The following MCTP1 variants were observed in gnomAD, a reference collection of about 807,000 sequenced individuals.
MCTP1 encodes multiple C2 and transmembrane domain-containing protein 1.
In MCTP1, 69 loss-of-function variants were observed where a neutral mutation model predicts 120.6. The observed-to-expected ratio is 0.57, with a 90% CI of 0.47 to 0.70. The LOEUF is 0.70. Ranked by LOEUF, MCTP1 falls within the 30% of genes least tolerant of loss-of-function variation. The pLI is 0.00. For missense variants in MCTP1, 1,203 were observed against 1,248.8 expected, an observed-to-expected ratio of 0.96 and a Z score of 0.55; for synonymous variants, 529 against 493.1, an observed-to-expected ratio of 1.07 and a Z score of -0.96.
intron 2 of MCTP1, among the ~76,000 whole-genome samples, chr5:94,959,825 G>A (rs931099023): frequency 2.6e-4 from 40 of 152,110 alleles, no homozygotes; most frequent in Admixed American, 2.0e-4. Context: ...AATCAATATC[G>A]TGAAAATGGC....
At chr5:94,866,522 C>A (rs913606263) in intron 17 of MCTP1, among the ~76,000 whole-genome samples, 2 of 149,558 alleles carry the variant, frequency 1.3e-5, no homozygotes, top group African/African-American at 4.9e-5. Context: ...GGCCCCTTCC[C>A]ACCTTTACTA....
chr5:95,185,323 A>T (rs1749087228), intron 1 of MCTP1, among the ~76,000 whole-genome samples: 1 of 152,214 alleles, frequency 6.6e-6, no homozygotes, highest in Admixed American at 6.5e-5. Flanking sequence ...ATCCAATAAC[A>T]TACCATGACC....
chr5:95,204,672 C>T (rs1158022295), intron 1 of MCTP1, among the ~76,000 whole-genome samples: 2 of 152,050 alleles, frequency 1.3e-5, no homozygotes, highest in Admixed American at 1.3e-4. Context: ...ACAAGTTCTA[C>T]AAGATTGCAG....
At chr5:95,274,207 C>T (rs576018746) in intron 1 of MCTP1, among the ~76,000 whole-genome samples, 2 of 152,278 alleles carry the variant, frequency 1.3e-5, no homozygotes, top group East Asian at 1.9e-4. Flanking sequence ...TTTGCATACA[C>T]AGGACACTTA....
intron 1 of MCTP1, among the ~76,000 whole-genome samples, chr5:95,179,614 G>C (rs577809515): frequency 6.6e-6 from 1 of 152,154 alleles, no homozygotes; most frequent in African/African-American, 2.4e-5. Context: ...GTCTTTTCCA[G>C]ACATAACAAA....
chr5:95,191,427 T>C (rs1055592998), intron 1 of MCTP1, among the ~76,000 whole-genome samples: 12 of 152,024 alleles, frequency 7.9e-5, no homozygotes, highest in Admixed American at 2.0e-4. Flanking sequence ...TTACAATCTA[T>C]AGTTACACTA....
At chr5:95,043,072 A>G (rs989564658) in intron 1 of MCTP1, among the ~76,000 whole-genome samples, 3 of 152,124 alleles carry the variant, frequency 2.0e-5, no homozygotes, top group South Asian at 2.1e-4. Flanking sequence ...CAAATCACCA[A>G]TCTTCCAAAA....
chr5:94,860,239 AAT>A (rs1248060356), intron 17 of MCTP1, among the ~76,000 whole-genome samples: 2 of 151,754 alleles, frequency 1.3e-5, no homozygotes, highest in African/African-American at 4.8e-5. Context: ...AACCTAAGGA[AAT>A]ATATGTTTAT....
chr5:95,245,336 T>G (rs1313934814), intron 1 of MCTP1, among the ~76,000 whole-genome samples: 5 of 152,176 alleles, frequency 3.3e-5, no homozygotes, highest in African/African-American at 7.2e-5. Flanking sequence ...TTTGACAAGT[T>G]GACAGAAGTA....
intron 2 of MCTP1, among the ~76,000 whole-genome samples, chr5:95,006,461 A>G (rs1444681134): frequency 2.6e-5 from 4 of 152,142 alleles, no homozygotes; most frequent in African/African-American, 7.2e-5. Flanking sequence ...AAATTTCCCA[A>G]TGGCAAAACA....
chr5:95,229,880 C>A (rs894471086), intron 1 of MCTP1, among the ~76,000 whole-genome samples: 6 of 152,044 alleles, frequency 3.9e-5, no homozygotes, highest in African/African-American at 1.4e-4. Context: ...AAAAGATTTT[C>A]TTTCTCAAGA....
At chr5:95,017,921 T>C (rs1837433853) in intron 1 of MCTP1, among the ~76,000 whole-genome samples, 1 of 152,158 alleles carries the variant, frequency 6.6e-6, no homozygotes, top group Non-Finnish European at 1.5e-5. Context: ...CTCATTTATC[T>C]GTGCAGAACA....
chr5:94,746,545 G>GT (rs1455142562), intron 19 of MCTP1, among the ~76,000 whole-genome samples: 1 of 152,198 alleles, frequency 6.6e-6, no homozygotes. Context: ...AGTAGGTAAA[G>GT]TAGGCTTAAG....
At chr5:94,828,368 T>C (rs1787716358) in intron 17 of MCTP1, among the ~76,000 whole-genome samples, 1 of 152,268 alleles carries the variant, frequency 6.6e-6, no homozygotes, top group South Asian at 2.1e-4. Context: ...GCTGGAGCTC[T>C]CCTGTATGAG....
intron 17 of MCTP1, among the ~76,000 whole-genome samples, chr5:94,801,664 T>C (rs1781268457): frequency 6.6e-6 from 1 of 152,202 alleles, no homozygotes. Flanking sequence ...ATTAAGCAGA[T>C]ATGTTTTCCC....
chr5:95,110,255 A>G (rs945365422), intron 1 of MCTP1, among the ~76,000 whole-genome samples: 16 of 151,846 alleles, frequency 1.1e-4, no homozygotes, highest in African/African-American at 3.6e-4. Context: ...TTTTTTGTCT[A>G]TTGCTAGAAA....
chr5:94,971,240 G>A (rs1162977957), intron 2 of MCTP1, among the ~76,000 whole-genome samples: 1 of 151,890 alleles, frequency 6.6e-6, no homozygotes, highest in Non-Finnish European at 1.5e-5. Flanking sequence ...CCACATAAAT[G>A]AATTTTCTAG....
intron 1 of MCTP1, among the ~76,000 whole-genome samples, chr5:95,059,887 G>C (rs1292322511): frequency 6.6e-6 from 1 of 152,066 alleles, no homozygotes; most frequent in Non-Finnish European, 1.5e-5. Context: ...GTTTTCTAAG[G>C]CAAGGGAAAA....
At chr5:95,191,633 G>A (rs905121081) in intron 1 of MCTP1, among the ~76,000 whole-genome samples, 2 of 151,930 alleles carry the variant, frequency 1.3e-5, no homozygotes, top group African/African-American at 2.4e-5. Context: ...TTCTAGAAAG[G>A]TGAAAATAAG....
Sources: allele counts gnomAD v4.1 joint callset (sites outside exome capture counted in the v4.1 genomes callset), GRCh38; gene constraint gnomAD v4.1.1; transcripts MANE v1.5; gene names NCBI Gene and HGNC (gene_info 2026-07-23, HGNC 2026-07-21).